Variants in SAMD13 observed in about 807,000 individuals in gnomAD.
SAMD13 encodes sterile alpha motif domain containing 13, also known as sterile alpha motif domain-containing protein 13.
Under a neutral mutation model 12.4 loss-of-function variants are expected in SAMD13, and 9 were observed. The observed-to-expected ratio is 0.72, with a 90% CI of 0.44 to 1.26. SAMD13 has a LOEUF of 1.26. Ranked by LOEUF, SAMD13 falls within the 50% of genes most tolerant of loss-of-function variation. SAMD13 has a pLI of 0.00. For synonymous variants in SAMD13, 46 were observed against 45.4 expected (o/e 1.01, Z -0.05); for missense variants, 84 against 119.6 (o/e 0.70, Z 1.39).
intron 1 of SAMD13, chr1:84,302,760 G>C: frequency 4.6e-6 from 4 of 862,302 alleles, no homozygotes; most frequent in Non-Finnish European, 5.6e-6. Context: ...CTAGGAGCAA[G>C]GGGGAGTGGA....
chr1:84,313,021 C>A (rs1476995905), intron 2 of SAMD13, among the ~76,000 whole-genome samples: 1 of 151,944 alleles, frequency 6.6e-6, no homozygotes, highest in Non-Finnish European at 1.5e-5. Flanking sequence ...TTTATTTTAC[C>A]TAGTAGGTTC....
intron 2 of SAMD13, among the ~76,000 whole-genome samples, chr1:84,324,829 A>G (rs932148831): frequency 2.6e-5 from 4 of 152,148 alleles, no homozygotes; most frequent in African/African-American, 7.2e-5. Flanking sequence ...TCTGAATCCA[A>G]TGAGGAGCAT....
intron 2 of SAMD13, among the ~76,000 whole-genome samples, chr1:84,308,821 A>G (rs1678644216): frequency 6.6e-6 from 1 of 152,162 alleles, no homozygotes; most frequent in Non-Finnish European, 1.5e-5. Context: ...ATTAATTGAG[A>G]AAGAAAATTT....
intron 2 of SAMD13, among the ~76,000 whole-genome samples, chr1:84,308,517 A>G (rs1041774077): frequency 3.3e-5 from 5 of 152,242 alleles, no homozygotes; most frequent in Non-Finnish European, 5.9e-5. Context: ...ACCACAGGCT[A>G]ACTCTTACCT....
intron 3 of SAMD13, among the ~76,000 whole-genome samples, chr1:84,346,564 C>T (rs1184273252): frequency 1.3e-5 from 2 of 152,168 alleles, no homozygotes; most frequent in Non-Finnish European, 2.9e-5. Context: ...ATTGGTCACA[C>T]TCCAATCACT....
intron 2 of SAMD13, among the ~76,000 whole-genome samples, chr1:84,317,040 A>T (rs539804428): frequency 6.6e-6 from 1 of 152,088 alleles, no homozygotes; most frequent in East Asian, 1.9e-4. Context: ...TGATTTTTCT[A>T]TGTTGATTTT....
chr1:84,316,225 T>G (rs984666105), intron 2 of SAMD13, among the ~76,000 whole-genome samples: 8 of 148,746 alleles, frequency 5.4e-5, no homozygotes, highest in African/African-American at 2.0e-4. Context: ...TTAGTTTTAT[T>G]TAGCCCTGCT....
chr1:84,333,881 C>G (rs1679241820), intron 3 of SAMD13, among the ~76,000 whole-genome samples: 1 of 152,060 alleles, frequency 6.6e-6, no homozygotes, highest in African/African-American at 2.4e-5. Flanking sequence ...GTTGAACCAA[C>G]CTTGCTTCCC....
intron 2 of SAMD13, among the ~76,000 whole-genome samples, chr1:84,316,172 C>G (rs1262959026): frequency 6.6e-6 from 1 of 151,970 alleles, no homozygotes; most frequent in African/African-American, 2.4e-5. Flanking sequence ...CATAGGTTTC[C>G]TTTTTACTCT....
intron 2 of SAMD13, among the ~76,000 whole-genome samples, chr1:84,307,150 G>T (rs974096214): frequency 6.6e-6 from 1 of 151,994 alleles, no homozygotes; most frequent in African/African-American, 2.4e-5. Context: ...CTCTCCCTTT[G>T]TCTTTGGGGA....
chr1:84,349,680 C>A lies in SAMD13; in HGVS notation c.215C>A (p.Thr72Lys), dbSNP rs1346356602. The change falls in exon 4 of 4, where the codon ACA becomes AAA. Residue 72 changes from threonine to lysine, a missense_variant. Transcript: ENST00000394834. ...TTGATGACAAGAAATGATGTGTTGA[C>A]AGGACTTCAGTTAAAATTGGGGCCT... is the stretch of plus-strand genomic sequence containing the variant. ...LLLMTRNDVL[T>K]GLQLKLGPAL... The A allele has an allele frequency of 6.2e-7, 1 of 1,613,746 alleles. No homozygotes were observed. The highest frequency in any genetic ancestry group is 1.3e-5 in the African/African-American group (1 of 74,912).
chr1:84,341,461 G>A (rs895208847), intron 3 of SAMD13, among the ~76,000 whole-genome samples: 1 of 152,148 alleles, frequency 6.6e-6, no homozygotes. Flanking sequence ...CTGCAAATGT[G>A]ATGTGTTTCA....
chr1:84,334,766 C>T (rs1394940809), intron 3 of SAMD13, among the ~76,000 whole-genome samples: 1 of 152,096 alleles, frequency 6.6e-6, no homozygotes, highest in Non-Finnish European at 1.5e-5. Flanking sequence ...TATTTTTGTT[C>T]TCAGTAGTTT....
intron 2 of SAMD13, among the ~76,000 whole-genome samples, chr1:84,319,507 T>C (rs1429852194): frequency 6.6e-6 from 1 of 151,644 alleles, no homozygotes; most frequent in Non-Finnish European, 1.5e-5. Flanking sequence ...TGGCATGCTG[T>C]AGCTGTAGTC....
chr1:84,346,815 G>C (rs1164025566), intron 3 of SAMD13, among the ~76,000 whole-genome samples: 1 of 152,156 alleles, frequency 6.6e-6, no homozygotes, highest in Admixed American at 6.5e-5. Flanking sequence ...GTTTTATGTA[G>C]TCTTTGAACT....
At chr1:84,311,716 A>C (rs1430562375) in intron 2 of SAMD13, among the ~76,000 whole-genome samples, 1 of 152,242 alleles carries the variant, frequency 6.6e-6, no homozygotes, top group Non-Finnish European at 1.5e-5. Context: ...CTTAAAATTC[A>C]GATCTTTTTA....
intron 3 of SAMD13, among the ~76,000 whole-genome samples, chr1:84,331,171 G>A (rs527856185): frequency 8.4e-4 from 128 of 151,840 alleles, no homozygotes; most frequent in African/African-American, 3.1e-3. Context: ...ATTGTAGGGT[G>A]GGGATGCCAA....
At chr1:84,299,165 G>T (rs1447667801), upstream of SAMD13, among the ~76,000 whole-genome samples, 2 of 152,116 alleles carry the variant, frequency 1.3e-5, no homozygotes, top group Non-Finnish European at 2.9e-5. Context: ...TGCACCGGGG[G>T]TCGGATCCCG....
chr1:84,328,562 C>A (rs573499503), intron 3 of SAMD13, among the ~76,000 whole-genome samples: 128 of 152,196 alleles, frequency 8.4e-4, no homozygotes, highest in African/African-American at 3.1e-3. Context: ...GAATCACTGG[C>A]CAGGCTTAGG....
Sources: allele counts gnomAD v4.1 joint callset (sites outside exome capture counted in the v4.1 genomes callset), GRCh38; gene constraint gnomAD v4.1.1; transcripts MANE v1.5; gene names NCBI Gene and HGNC (gene_info 2026-07-23, HGNC 2026-07-21).